AATK: variants seen among roughly 807,000 people sequenced by gnomAD.
AATK encodes the protein serine/threonine-protein kinase LMTK1.
Under a neutral mutation model 114.3 loss-of-function variants are expected in AATK, and 91 were observed. The observed-to-expected ratio is 0.80, with a 90% CI of 0.67 to 0.95. The LOEUF (loss-of-function observed/expected upper bound fraction) is 0.95, where lower values mean the gene tolerates loss of function less well. Among genes scored for constraint, AATK ranks in the 40% least tolerant of loss-of-function variants. The pLI is 0.00. For synonymous variants in AATK, 1,075 were observed against 916.5 expected (o/e 1.17, Z -3.12); for missense variants, 2,176 against 1,965.2 (o/e 1.11, Z -2.03).
intron 1 of AATK, among the ~76,000 whole-genome samples, chr17:81,137,749 A>G (rs569398099): frequency 2.0e-5 from 3 of 152,066 alleles, no homozygotes; most frequent in Non-Finnish European, 4.4e-5. Flanking sequence ...ATGCACACGT[A>G]GCATGCATAC....
Position 81,121,432 on chromosome 17 carries a change from A to C in AATK, c.2504T>G (p.Val835Gly), listed in dbSNP as rs1598905176. Residue 835 changes from valine (V) to glycine (G), a missense_variant, in exon 11 of 14, where the codon GTG becomes GGG. This residue lies in a region of AATK where 1,701 missense variants were observed against 1,394.7 expected (regional missense o/e 1.22). Transcript: ENST00000326724. ...GGCAGAAGCCAGCTTGATGGCAGAC[A>C]CCTCGCCACCAGTAGCAGGCGTGGG... The part of the protein sequence containing the change: ...DSPTPATGGE[V>G]SAIKLASALN... The C allele has an allele frequency of 6.2e-7, 1 of 1,601,426 alleles. No individual in the cohort carries two copies. The highest frequency in any genetic ancestry group is 8.5e-7 in the Non-Finnish European group (1 of 1,174,380).
At chr17:81,151,085 C>T (rs182314267) in intron 1 of AATK, among the ~76,000 whole-genome samples, 337 of 152,296 alleles carry the variant, frequency 2.2e-3, no homozygotes, top group Admixed American at 3.3e-3. Context: ...TGCCCCCCTA[C>T]GAACCACTGT....
chr17:81,165,924 CG>C lies in AATK; in HGVS notation c.55+13del, dbSNP rs2146436659. 6.4e-7 allele frequency: 1 copy of C among 1,573,992 alleles called. No individual in the cohort carries two copies. The highest frequency in any genetic ancestry group is 1.2e-5 in the South Asian group (1 of 85,502). ...GGAGGCAGCGGCGCGCAGGCCGGGC[CG>C]CCAGGGACTCACCGGGGTCGAAGTG... On this transcript the variant is annotated intron_variant, in intron 1 of 13. Coordinates refer to ENST00000326724, the MANE Select transcript of AATK (RefSeq NM_001080395.3).
intron 1 of AATK, among the ~76,000 whole-genome samples, chr17:81,160,010 G>A (rs2061411513): frequency 6.6e-6 from 1 of 152,172 alleles, no homozygotes; most frequent in Admixed American, 6.5e-5. Flanking sequence ...GCCGTGAGAG[G>A]TGGCCTTGAG....
intron 3 of AATK, 119 bp from the exon 4 acceptor site, chr17:81,128,668 A>AGCACCAGCTGGCAACCTTGGGG: frequency 6.7e-7 from 1 of 1,498,632 alleles, no homozygotes; most frequent in South Asian, 1.2e-5. Flanking sequence ...CTGAGTCCCT[A>AGCACCAGCTGGCAACCTTGGGG]GCACCAGCTG....
chr17:81,146,495 C>G (rs987803318), intron 1 of AATK, among the ~76,000 whole-genome samples: 16 of 152,190 alleles, frequency 1.1e-4, no homozygotes, highest in African/African-American at 3.6e-4. Context: ...GTGGGTGGAT[C>G]ACTTGAGGTC....
chr17:81,122,518 C>T lies in AATK; in HGVS notation c.1418G>A (p.Arg473Gln), dbSNP rs888195768. 1.5e-5 allele frequency: 22 copies of T among 1,479,262 alleles called. No individual in the cohort carries two copies. Among genetic ancestry groups the T allele is most frequent in the Non-Finnish European group, 2.0e-5 (22 of 1,110,982 alleles). The allele number at this position is 1,479,262 out of a possible 1,614,324, so 91.6% of individuals were successfully genotyped here. Residue 473 changes from arginine (R) to glutamine (Q), a missense_variant, in exon 11 of 14, where the codon CGA (arginine) becomes CAA (glutamine). This residue lies in a region of AATK where 1,701 missense variants were observed against 1,394.7 expected (regional missense o/e 1.22). Coordinates refer to ENST00000326724, the MANE Select transcript of AATK (RefSeq NM_001080395.3). ...DDVLTVTETS[R>Q]GLNFEYKWEA... ...CCACTTGTACTCAAAATTGAGGCCT[C>T]GGCTGGTCTCGGTCACCGTCAGCAC...
At chr17:81,131,240 G>C in intron 2 of AATK, 35 bp from the exon 3 acceptor site, 1 of 1,543,148 alleles carries the variant, frequency 6.5e-7, no homozygotes, top group Non-Finnish European at 8.7e-7. Context: ...GGGGCTTCTC[G>C]CAGGTCAAGG....
intron 7 of AATK, among the ~76,000 whole-genome samples, chr17:81,125,590 G>C (rs2060801984): frequency 1.3e-5 from 2 of 152,206 alleles, no homozygotes; most frequent in Non-Finnish European, 2.9e-5. Flanking sequence ...CTCCAACCCA[G>C]CCTGCCTTGG....
At chr17:81,124,223 GCGGACCACT>G (rs1426036418) in intron 9 of AATK, among the ~76,000 whole-genome samples, 1 of 152,102 alleles carries the variant, frequency 6.6e-6, no homozygotes, top group Non-Finnish European at 1.5e-5. Flanking sequence ...CCACCCCGGG[GCGGACCACT>G]CCCCTGGCGG....
At chr17:81,132,288 C>T (rs951007942) in intron 2 of AATK, among the ~76,000 whole-genome samples, 2 of 152,192 alleles carry the variant, frequency 1.3e-5, no homozygotes, top group Non-Finnish European at 2.9e-5. Flanking sequence ...GGCCAGCACC[C>T]GGGCTGGTGA....
chr17:81,153,685 A>G lies in AATK; in HGVS notation c.55+12253T>C, dbSNP rs2174648. 4.9e-4 allele frequency among the ~76,000 whole-genome samples: 75 copies of G among 152,126 alleles called. 1 individual carries two copies. The highest frequency in any genetic ancestry group is 1.5e-3 in the African/African-American group (61 of 41,514). On this transcript the variant is annotated intron_variant, in intron 1 of 13. Coordinates refer to ENST00000326724, the MANE Select transcript of AATK (RefSeq NM_001080395.3). ...GGTCTGTGTATGAGGCCCATGCGCA[A>G]TGGACCTCCCGTACCCCAAACAACA... is the stretch of plus-strand genomic sequence containing the variant.
chr17:81,122,063 C>T lies in AATK; in HGVS notation c.1873G>A (p.Glu625Lys), dbSNP rs1004664375. The change falls in exon 11 of 14, where the codon GAG becomes AAG. Residue 625 changes from glutamate (E) to lysine (K), a missense_variant. Around this residue, in one of 4 missense-constraint regions of AATK, gnomAD observed 1,701 missense variants for 1,394.7 expected, o/e 1.22. Coordinates refer to ENST00000326724, the MANE Select transcript of AATK (RefSeq NM_001080395.3). ...GPLSLAEGGAEDADWGVAAFC... is the reference protein window; with the variant it reads ...GPLSLAEGGAKDADWGVAAFC... ...GCGGCCACGCCCCAGTCTGCATCCTCCGCTCCTCCCTCCGCCAGACTCAGG... is the reference window on the plus strand; with the variant it reads ...GCGGCCACGCCCCAGTCTGCATCCTTCGCTCCTCCCTCCGCCAGACTCAGG... The T allele has an allele frequency of 6.3e-7, 1 of 1,592,478 alleles. No individual in the cohort carries two copies. Among genetic ancestry groups the T allele is most frequent in the Non-Finnish European group, 8.5e-7 (1 of 1,176,602 alleles).
chr17:81,140,849 G>A (rs1252655940), intron 1 of AATK, among the ~76,000 whole-genome samples: 1 of 100,664 alleles, frequency 9.9e-6, no homozygotes, highest in Non-Finnish European at 2.1e-5. Flanking sequence ...GCCGTGAGCC[G>A]TGGGGCTGTG....
At chr17:81,156,564 A>T (rs1267164937) in intron 1 of AATK, among the ~76,000 whole-genome samples, 1 of 151,848 alleles carries the variant, frequency 6.6e-6, no homozygotes, top group Non-Finnish European at 1.5e-5. Context: ...CACCCGCCTA[A>T]TTTTTTGTAT....
intron 1 of AATK, among the ~76,000 whole-genome samples, chr17:81,151,036 G>A (rs1198194194): frequency 2.0e-5 from 3 of 152,156 alleles, no homozygotes; most frequent in Non-Finnish European, 4.4e-5. Flanking sequence ...AAGATTCTTG[G>A]GGTTCCTGGG....
In AATK at chr17:81,126,285, G is replaced by A. The variant is rs748661851; in HGVS notation, c.755+142C>T. 50 of 1,112,002 alleles carry A rather than the reference G, an allele frequency of 4.5e-5. No individual in the cohort carries two copies. The highest frequency in any genetic ancestry group is 6.1e-5 in the Non-Finnish European group (49 of 801,016). The allele number at this position is 1,112,002 out of a possible 1,614,324, so 68.9% of individuals were successfully genotyped here. ...TTCAAAAACGTCATAAAATCCCTCTGCATAGTGGTTGTCTGATGCTGCATG... is the reference window on the plus strand; with the variant it reads ...TTCAAAAACGTCATAAAATCCCTCTACATAGTGGTTGTCTGATGCTGCATG... On this transcript the variant is annotated intron_variant, in intron 7 of 13. Transcript: ENST00000326724. This position sits in a 1 kb window ranked among gnomAD's most constrained non-coding sequence, Gnocchi z 5.1.
chr17:81,120,486 G>A lies in AATK; in HGVS notation c.3450C>T (p.Leu1150=). 6.6e-7 allele frequency: 1 copy of A among 1,515,386 alleles called. No homozygotes were observed. The highest frequency in any genetic ancestry group is 1.3e-5 in the South Asian group (1 of 78,566). 93.9% of individuals were successfully genotyped at this position (1,515,386 alleles called of 1,614,324 possible). A position where few individuals can be genotyped will look rare whatever the true frequency, so the allele number is the denominator to read the frequency against. Residue 1150 remains leucine, a synonymous_variant, in exon 11 of 14, where the codon CTC becomes CTT. Coordinates refer to ENST00000326724, the MANE Select transcript of AATK (RefSeq NM_001080395.3). ...CCGGCCGGCCCTCCAAGGCCGCAGG[G>A]AGGCCGGGCAGAGCCAGGCGGAGTG... ...RAPLRLALPG[L]PAALEGRPEE...
At chr17:81,141,035 G>A (rs2146360152) in intron 1 of AATK, among the ~76,000 whole-genome samples, 1 of 136,396 alleles carries the variant, frequency 7.3e-6, no homozygotes, top group South Asian at 2.6e-4. Context: ...GGACCGTGGG[G>A]ACCATGGGGA....
Sources: allele counts gnomAD v4.1 joint callset (sites outside exome capture counted in the v4.1 genomes callset), GRCh38; gene constraint gnomAD v4.1.1; regional missense constraint gnomAD v4.1.1; non-coding constraint Gnocchi (gnomAD v3.1); transcripts MANE v1.5; gene names NCBI Gene and HGNC (gene_info 2026-07-23, HGNC 2026-07-21).